The following ABAT variants were observed in gnomAD, a reference collection of about 807,000 sequenced individuals.
ABAT encodes the protein 4-aminobutyrate aminotransferase, mitochondrial.
ABAT carries 45 observed loss-of-function variants against 64.6 expected under a neutral mutation model. The ratio of observed to expected loss-of-function variants is 0.70; its 90% CI spans 0.55 to 0.89. The LOEUF (loss-of-function observed/expected upper bound fraction) is 0.89. Among genes scored for constraint, ABAT ranks in the 40% least tolerant of loss-of-function variants. The probability of loss-of-function intolerance (pLI) is 0.00; values close to 1 mark genes in which losing one functional copy is unlikely to be tolerated. For synonymous variants in ABAT, 297 were observed against 250.5 expected (o/e 1.19, Z -1.75); for missense variants, 633 against 658.4 (o/e 0.96, Z 0.42).
rs376861042 is a variant in ABAT at position 8,767,990 on chromosome 16, TA to T, written c.604-190del. 7.5e-3 allele frequency among the ~76,000 whole-genome samples: 1,090 copies of T among 145,310 alleles called. 10 individuals are homozygous for T. Among genetic ancestry groups the T allele is most frequent in the African/African-American group, 0.023 (917 of 39,916 alleles). ...CACACCCAGCCTAAAATTTGTGACT[TA>T]AAAAAAAAAAAATGTAAGTATGTAT... On this transcript the variant is annotated intron_variant, in intron 9 of 15. Transcript: ENST00000268251.
chr16:8,732,847 A>G (rs1190861289), intron 1 of ABAT, among the ~76,000 whole-genome samples: 9 of 143,632 alleles, frequency 6.3e-5, no homozygotes, highest in Middle Eastern at 4.0e-3. Flanking sequence ...GGCCGGGCAG[A>G]GGGGCTCCTC....
chr16:8,707,825 C>T (rs1025988844), intron 1 of ABAT, among the ~76,000 whole-genome samples: 3 of 152,096 alleles, frequency 2.0e-5, no homozygotes, highest in Non-Finnish European at 4.4e-5. Flanking sequence ...CAGCCTTGGC[C>T]TCCCAAAGTG....
At chr16:8,697,976 A>C (rs979407162) in intron 1 of ABAT, among the ~76,000 whole-genome samples, 2 of 152,172 alleles carry the variant, frequency 1.3e-5, no homozygotes, top group African/African-American at 2.4e-5. Context: ...TCCTTTGTAC[A>C]TTGGAGGTGG....
intron 10 of ABAT, 59 bp from the exon 11 acceptor site, chr16:8,768,766 A>G (rs1478455472): frequency 2.5e-6 from 4 of 1,611,984 alleles, no homozygotes; most frequent in Admixed American, 1.7e-5. Flanking sequence ...TCCTTTACAA[A>G]GACGGTACTG....
At chr16:8,716,998 C>G (rs2058232929) in intron 1 of ABAT, among the ~76,000 whole-genome samples, 1 of 152,172 alleles carries the variant, frequency 6.6e-6, no homozygotes, top group Non-Finnish European at 1.5e-5. Context: ...TTATTAATAA[C>G]TATATTGATG....
At chr16:8,760,697 T>A (rs915529921) in intron 6 of ABAT, among the ~76,000 whole-genome samples, 2 of 152,114 alleles carry the variant, frequency 1.3e-5, no homozygotes, top group African/African-American at 4.8e-5. Context: ...TGAAAAAAAA[T>A]GTGTCAACAA....
intron 1 of ABAT, among the ~76,000 whole-genome samples, chr16:8,689,039 C>T (rs2057520963): frequency 6.7e-6 from 1 of 150,226 alleles, no homozygotes; most frequent in Non-Finnish European, 1.5e-5. Context: ...GAGATTGCAC[C>T]ACTGCACTCC....
At chr16:8,747,203 G>C (rs1053491824) in intron 3 of ABAT, among the ~76,000 whole-genome samples, 1 of 152,160 alleles carries the variant, frequency 6.6e-6, no homozygotes, top group Non-Finnish European at 1.5e-5. Flanking sequence ...CCAAACAACA[G>C]TGAAAGAACA....
intron 14 of ABAT, among the ~76,000 whole-genome samples, chr16:8,778,436 C>A (rs958302635): frequency 1.3e-5 from 2 of 152,076 alleles, no homozygotes; most frequent in Non-Finnish European, 2.9e-5. Context: ...GTGTTCTCCC[C>A]ACTGTGCCTG....
chr16:8,710,905 C>T (rs1025385672), intron 1 of ABAT, among the ~76,000 whole-genome samples: 29 of 152,052 alleles, frequency 1.9e-4, no homozygotes, highest in Non-Finnish European at 4.4e-5. Flanking sequence ...GAGAGAAGAC[C>T]GACATTTATT....
chr16:8,759,518 T>G (rs779727720), intron 6 of ABAT, among the ~76,000 whole-genome samples: 1 of 152,046 alleles, frequency 6.6e-6, no homozygotes, highest in Non-Finnish European at 1.5e-5. Context: ...TTTTGTTTGC[T>G]TGTTTTTTTC....
chr16:8,720,347 C>T (rs1469002925), intron 1 of ABAT, among the ~76,000 whole-genome samples: 1 of 152,234 alleles, frequency 6.6e-6, no homozygotes, highest in Non-Finnish European at 1.5e-5. Context: ...CAATTTCTGG[C>T]TCTTGTTACT....
intron 1 of ABAT, among the ~76,000 whole-genome samples, chr16:8,702,136 G>T (rs1027430561): frequency 1.3e-5 from 2 of 152,140 alleles, no homozygotes; most frequent in African/African-American, 4.8e-5. Context: ...GGGCTGTACA[G>T]GAAGTATAGC....
At chr16:8,687,901 CT>C (rs56028080) in intron 1 of ABAT, among the ~76,000 whole-genome samples, 15,750 of 145,802 alleles carry the variant, frequency 0.11, 948 homozygotes, top group Admixed American at 0.15. Flanking sequence ...GTTGAATGCT[CT>C]TTTTTTTTTT....
chr16:8,706,842 C>T (rs976942093), intron 1 of ABAT, among the ~76,000 whole-genome samples: 1 of 152,204 alleles, frequency 6.6e-6, no homozygotes, highest in Non-Finnish European at 1.5e-5. Flanking sequence ...AAATGCTTCT[C>T]TGAAGAGATA....
At chr16:8,686,633 G>T (rs142743095) in intron 1 of ABAT, among the ~76,000 whole-genome samples, 1 of 152,104 alleles carries the variant, frequency 6.6e-6, no homozygotes, top group African/African-American at 2.4e-5. Context: ...TGACTGACTC[G>T]CCCAGGGTCT....
chr16:8,776,870 TA>T lies in ABAT; in HGVS notation c.1269+381del, dbSNP rs1247594551. Among the ~76,000 whole-genome samples, 1 of 151,392 alleles carries T rather than the reference TA, an allele frequency of 6.6e-6. No individual in the cohort carries two copies. The highest frequency in any genetic ancestry group is 1.5e-5 in the Non-Finnish European group (1 of 67,822). On this transcript the variant is annotated intron_variant, in intron 14 of 15. Coordinates refer to ENST00000268251, the MANE Select transcript of ABAT (RefSeq NM_020686.6). The surrounding 1 kb of genome is among the most constrained non-coding windows in gnomAD (Gnocchi z 4.4). ...CTGGGCAGCGCCTGCCGGCACTGGT[TA>T]TCTTTCTTATTTATTTTATTTTATT...
chr16:8,728,393 C>G (rs951711961), intron 1 of ABAT, among the ~76,000 whole-genome samples: 1 of 152,132 alleles, frequency 6.6e-6, no homozygotes, highest in African/African-American at 2.4e-5. Flanking sequence ...CTGAGACATT[C>G]GGAGTTTCAA....
Position 8,776,454 on chromosome 16 carries a change from C to G in ABAT, c.1233C>G (p.Ala411=), listed in dbSNP as rs147188899. The G allele has an allele frequency of 1.1e-4, 174 of 1,614,166 alleles. 2 individuals carry two copies. The South Asian group carries it at 1.8e-3, about 17-fold the overall frequency. ...ACCTGCTAAATAATGCAGCCCATGC[C>G]GGGAAGGCCCTGCTCACAGGACTGC... is the stretch of plus-strand genomic sequence containing the variant. ...REDLLNNAAH[A]GKALLTGLLD... Residue 411 remains alanine, a synonymous_variant, in exon 14 of 16, where the codon GCC becomes GCG. Coordinates refer to ENST00000268251, the MANE Select transcript of ABAT (RefSeq NM_020686.6). The surrounding 1 kb of genome is among the most constrained non-coding windows in gnomAD (Gnocchi z 4.4).
Sources: allele counts gnomAD v4.1 joint callset (sites outside exome capture counted in the v4.1 genomes callset), GRCh38; gene constraint gnomAD v4.1.1; non-coding constraint Gnocchi (gnomAD v3.1); transcripts MANE v1.5; gene names NCBI Gene and HGNC (gene_info 2026-07-23, HGNC 2026-07-21).